Variants in KIF13B observed in about 807,000 individuals in gnomAD.
The protein encoded by KIF13B is kinesin family member 13B.
A neutral mutation model predicts 222.0 loss-of-function variants in KIF13B; 127 were observed. The ratio of observed to expected loss-of-function variants is 0.57; its 90% CI spans 0.50 to 0.66. The LOEUF (loss-of-function observed/expected upper bound fraction) is 0.66, where lower values mean the gene tolerates loss of function less well. Among genes scored for constraint, KIF13B ranks in the 30% least tolerant of loss-of-function variants. KIF13B has a pLI of 0.00. For missense variants in KIF13B, 2,173 were observed against 2,379.0 expected (o/e 0.91, Z 1.80); for synonymous variants, 976 against 919.0 (o/e 1.06, Z -1.12).
intron 1 of KIF13B, chr8:29,250,025 T>TA: frequency 7.8e-7 from 1 of 1,289,170 alleles, no homozygotes; most frequent in Non-Finnish European, 1.0e-6. Flanking sequence ...GAGAGTTTCT[T>TA]AAAACCACTG....
Position 29,245,447 on chromosome 8 carries a change from T to A in KIF13B, c.56-8A>T. The A allele has an allele frequency of 6.4e-7, 1 of 1,552,790 alleles. No individual in the cohort carries two copies. The highest frequency in any genetic ancestry group is 8.7e-7 in the Non-Finnish European group (1 of 1,147,908). ...TGGTATGCAAGTCAGTCTCTGTGGA[T>A]AAAAAAACAAGAAAAACAGTCATTT... On this transcript the variant is annotated splice_polypyrimidine_tract_variant and splice_region_variant and intron_variant, in intron 1 of 39. Coordinates refer to ENST00000524189, the MANE Select transcript of KIF13B (RefSeq NM_015254.4).
At chr8:29,167,286 T>A in intron 11 of KIF13B, 87 bp downstream of exon 11, 1 of 1,073,578 alleles carries the variant, frequency 9.3e-7, no homozygotes, top group Non-Finnish European at 1.4e-6. Context: ...AGAGTACTCA[T>A]CCCTCACAGC....
At chr8:29,243,656 A>C (rs1442684524) in intron 2 of KIF13B, among the ~76,000 whole-genome samples, 2 of 140,368 alleles carry the variant, frequency 1.4e-5, no homozygotes, top group Non-Finnish European at 3.0e-5. Context: ...ACTCTGCCTC[A>C]AAAAAAAAAA....
In KIF13B at chr8:29,186,341, A is replaced by T; in HGVS notation, c.448T>A (p.Tyr150Asn). The T allele has an allele frequency of 6.2e-7, 1 of 1,613,654 alleles. No individual in the cohort carries two copies. Among genetic ancestry groups the T allele is most frequent in the Non-Finnish European group, 8.5e-7 (1 of 1,179,638 alleles). ...ACTTTTTCATTATAAATTTCCATGT[A>T]GGACACTTCTACTTTAAAACTCTGT... ...EEQSFKVEVSYMEIYNEKVRD... is the reference protein window; with the variant it reads ...EEQSFKVEVSNMEIYNEKVRD... Residue 150 changes from tyrosine to asparagine, a missense_variant, in exon 6 of 40, where the codon TAC becomes AAC. Around this residue, in one of 2 missense-constraint regions of KIF13B, gnomAD observed 1,480 missense variants for 1,722.8 expected, o/e 0.86. Transcript: ENST00000524189.
intron 37 of KIF13B, among the ~76,000 whole-genome samples, chr8:29,080,432 G>C (rs779072341): frequency 6.6e-6 from 1 of 151,900 alleles, no homozygotes; most frequent in Non-Finnish European, 1.5e-5. Flanking sequence ...GCCTGGAAGA[G>C]AGGAAAACGA....
intron 2 of KIF13B, among the ~76,000 whole-genome samples, chr8:29,235,048 A>T (rs1207181672): frequency 6.6e-6 from 1 of 152,228 alleles, no homozygotes; most frequent in Non-Finnish European, 1.5e-5. Flanking sequence ...CACATTATAA[A>T]CAGAATTGTT....
intron 2 of KIF13B, among the ~76,000 whole-genome samples, chr8:29,205,376 T>C (rs1369987893): frequency 6.6e-6 from 1 of 152,134 alleles, no homozygotes; most frequent in Non-Finnish European, 1.5e-5. Context: ...TCTGAACAAC[T>C]ACCACCTCCT....
At chr8:29,193,925 C>A (rs1278551499) in intron 3 of KIF13B, among the ~76,000 whole-genome samples, 2 of 152,036 alleles carry the variant, frequency 1.3e-5, no homozygotes, top group African/African-American at 4.8e-5. Context: ...TCACGCCATT[C>A]TCCTGCCTCA....
chr8:29,092,856 G>A lies in KIF13B; in HGVS notation c.4347C>T (p.Ser1449=). 6.2e-7 allele frequency: 1 copy of A among 1,611,362 alleles called. No individual in the cohort carries two copies. The highest frequency in any genetic ancestry group is 8.5e-7 in the Non-Finnish European group (1 of 1,178,756). Residue 1449 remains serine (S), a synonymous_variant, in exon 37 of 40, where the codon TCC becomes TCT. Coordinates refer to ENST00000524189, the MANE Select transcript of KIF13B (RefSeq NM_015254.4). ...PDPGLSNLAA[S]YLNPVKSFVP... ...CGAAGGATTTGACAGGATTCAAGTAGGATGCTGCAAGGTTACTGAGTCCTG... is the reference window on the plus strand; with the variant it reads ...CGAAGGATTTGACAGGATTCAAGTAAGATGCTGCAAGGTTACTGAGTCCTG...
Position 29,262,962 on chromosome 8 carries a change from G to C in KIF13B, c.55+18C>G, listed in dbSNP as rs1224569869. The C allele has an allele frequency of 6.3e-7, 1 of 1,577,718 alleles. No homozygotes were observed. The highest frequency in any genetic ancestry group is 8.6e-7 in the Non-Finnish European group (1 of 1,164,426). ...CTGCCGCCTCCGCCCCGGCGGCCCAGGAGGGCTCGGCTCTCACCTCGCCGG... is the reference window on the plus strand; with the variant it reads ...CTGCCGCCTCCGCCCCGGCGGCCCACGAGGGCTCGGCTCTCACCTCGCCGG... On this transcript the variant is annotated intron_variant, in intron 1 of 39. Transcript: ENST00000524189.
Position 29,130,607 on chromosome 8 carries a change from T to G in KIF13B, c.3001A>C (p.Asn1001His). ...FWVQILEQNE[N>H]GEYCPVEVIS... ...ACTTCTACAGGGCAGTATTCACCATTCTCATTCTGTTCCAAGATTTGAACC... is the reference window on the plus strand; with the variant it reads ...ACTTCTACAGGGCAGTATTCACCATGCTCATTCTGTTCCAAGATTTGAACC... Residue 1001 changes from asparagine to histidine, a missense_variant, in exon 24 of 40, where the codon AAT becomes CAT. Asn to His is a moderately conservative substitution (Grantham distance 68). Around this residue, in one of 2 missense-constraint regions of KIF13B, gnomAD observed 1,480 missense variants for 1,722.8 expected, o/e 0.86. Transcript: ENST00000524189. 6.2e-7 allele frequency: 1 copy of G among 1,613,802 alleles called. No individual in the cohort carries two copies. Among genetic ancestry groups the G allele is most frequent in the African/African-American group, 1.3e-5 (1 of 75,042 alleles).
rs143944604 is a variant in KIF13B at position 29,241,861 on chromosome 8, T to A, written c.149+3485A>T. On this transcript the variant is annotated intron_variant, in intron 2 of 39. Coordinates refer to ENST00000524189, the MANE Select transcript of KIF13B (RefSeq NM_015254.4). The stretch of plus-strand genomic sequence containing the variant: ...GAAGATTGAGACAAAATATTTTTTT[T>A]AAAAAAGATATGAGGCAAAAAAGAA... Among the ~76,000 whole-genome samples the A allele has an allele frequency of 3.6e-4, 55 of 152,196 alleles. 1 individual carries two copies. The highest frequency in any genetic ancestry group is 6.9e-4 in the Non-Finnish European group (47 of 67,990).
At chr8:29,101,682 C>G (rs980882449) in intron 35 of KIF13B, among the ~76,000 whole-genome samples, 1 of 152,184 alleles carries the variant, frequency 6.6e-6, no homozygotes, top group African/African-American at 2.4e-5. Context: ...TCACTCTGCC[C>G]TCTACCTGAA....
At chr8:29,211,078 C>T (rs1375180445) in intron 2 of KIF13B, among the ~76,000 whole-genome samples, 2 of 152,208 alleles carry the variant, frequency 1.3e-5, no homozygotes, top group Non-Finnish European at 2.9e-5. Flanking sequence ...ATGTGCTTTC[C>T]GTAAGACTGA....
rs530709809 is a variant in KIF13B, at chr8:29,177,900, C to T, written c.721-322G>A. Among the ~76,000 whole-genome samples the T allele has an allele frequency of 2.4e-4, 37 of 152,288 alleles. 2 individuals are homozygous for T. The South Asian group carries it at 6.6e-3, about 27-fold the overall frequency. Reference sequence around the variant, plus strand: ...TTCCAACCTGAGCGACACAGTGAGACCCTGTCTCTTAAAAAACAATACAAA... The same window carrying T: ...TTCCAACCTGAGCGACACAGTGAGATCCTGTCTCTTAAAAAACAATACAAA... On this transcript the variant is annotated intron_variant, in intron 8 of 39. Transcript: ENST00000524189.
chr8:29,145,336 T>C (rs959476016), intron 18 of KIF13B, among the ~76,000 whole-genome samples: 10 of 152,204 alleles, frequency 6.6e-5, no homozygotes, highest in African/African-American at 2.4e-4. Flanking sequence ...TAGGGAAAGA[T>C]GTAATCCTTG....
chr8:29,108,256 C>T (rs866580994), intron 34 of KIF13B, 64 bp from the exon 35 acceptor site: 46 of 1,509,386 alleles, frequency 3.0e-5, no homozygotes, highest in Middle Eastern at 1.7e-4. Context: ...GTCTAGGCAA[C>T]GCCAGTCTTT....
At chr8:29,223,768 T>G (rs1425944939) in intron 2 of KIF13B, among the ~76,000 whole-genome samples, 1 of 152,336 alleles carries the variant, frequency 6.6e-6, no homozygotes, top group Non-Finnish European at 1.5e-5. Flanking sequence ...CTCGGCTCAC[T>G]GCAACCTCCA....
At chr8:29,131,745 C>T (rs1024007894) in intron 23 of KIF13B, among the ~76,000 whole-genome samples, 6 of 152,194 alleles carry the variant, frequency 3.9e-5, no homozygotes, top group African/African-American at 1.2e-4. Context: ...AGTCACTATT[C>T]TCCAAAATTC....
Sources: allele counts gnomAD v4.1 joint callset (sites outside exome capture counted in the v4.1 genomes callset), GRCh38; gene constraint gnomAD v4.1.1; regional missense constraint gnomAD v4.1.1; transcripts MANE v1.5; gene names NCBI Gene and HGNC (gene_info 2026-07-23, HGNC 2026-07-21).